Variants in TNFSF13B observed in about 807,000 individuals in gnomAD.
TNFSF13B encodes the protein TNF superfamily member 13b, also known as tumor necrosis factor ligand superfamily member 13B.
TNFSF13B carries 8 observed loss-of-function variants against 29.1 expected under a neutral mutation model. That is an observed-to-expected ratio of 0.27 (90% CI 0.16 to 0.50). The LOEUF (loss-of-function observed/expected upper bound fraction) is 0.50, where lower values mean the gene tolerates loss of function less well. Ranked by LOEUF, TNFSF13B falls within the 20% of genes least tolerant of loss-of-function variation. The probability of loss-of-function intolerance (pLI) is 0.98; values close to 1 mark genes in which losing one functional copy is unlikely to be tolerated. For missense variants in TNFSF13B, 248 were observed against 334.9 expected, an observed-to-expected ratio of 0.74 and a Z score of 2.03; for synonymous variants, 125 against 130.8, an observed-to-expected ratio of 0.96 and a Z score of 0.30.
chr13:108,304,259 G>T lies in TNFSF13B; in HGVS notation c.745+655G>T, dbSNP rs1881709082. Among the ~76,000 whole-genome samples the T allele has an allele frequency of 2.6e-5, 4 of 151,782 alleles. No homozygotes were observed. In the South Asian group the frequency reaches 6.3e-4, roughly 24 times the overall value. On this transcript the variant is annotated intron_variant, in intron 5 of 5. Coordinates refer to ENST00000375887, the MANE Select transcript of TNFSF13B (RefSeq NM_006573.5). Reference sequence around the variant, plus strand: ...TCTTTCTAAATACAGGTGACATCTTGTGTCAGTGGACACCAGACAGGAGAA... The same window carrying T: ...TCTTTCTAAATACAGGTGACATCTTTTGTCAGTGGACACCAGACAGGAGAA...
At chr13:108,271,480 A>T (rs770462966) in intron 2 of TNFSF13B, among the ~76,000 whole-genome samples, 2 of 148,716 alleles carry the variant, frequency 1.3e-5, no homozygotes, top group Non-Finnish European at 3.0e-5. Flanking sequence ...ACACACACAC[A>T]CACACACACG....
intron 2 of TNFSF13B, among the ~76,000 whole-genome samples, chr13:108,284,181 T>C (rs1881045888): frequency 6.6e-6 from 1 of 151,978 alleles, no homozygotes; most frequent in South Asian, 2.1e-4. Flanking sequence ...TACAAAGAAT[T>C]AGCCAGGCAT....
intron 2 of TNFSF13B, among the ~76,000 whole-genome samples, chr13:108,277,569 A>C (rs2139044319): frequency 6.6e-6 from 1 of 152,302 alleles, no homozygotes; most frequent in South Asian, 2.1e-4. Flanking sequence ...GCGAATCCAC[A>C]GGGTAAAGTG....
chr13:108,299,585 G>T (rs556040802), intron 3 of TNFSF13B, among the ~76,000 whole-genome samples: 8 of 151,646 alleles, frequency 5.3e-5, no homozygotes, highest in African/African-American at 1.9e-4. Flanking sequence ...TGATTTTATC[G>T]CTAATCCTCA....
At position 108,304,468 on chromosome 13, in the gene TNFSF13B, G is replaced by A. The variant is rs1190054399; in HGVS notation, c.745+864G>A. Among the ~76,000 whole-genome samples the A allele has an allele frequency of 3.9e-5, 6 of 152,168 alleles. No individual in the cohort carries two copies. The South Asian group carries it at 6.2e-4, about 16-fold the overall frequency. ...AGGAGCAGTGAGAGGCAGAGAGCAC[G>A]GCAGATCTTGTAAACTTTAGGTCTG... On this transcript the variant is annotated intron_variant, in intron 5 of 5. Transcript: ENST00000375887.
intron 2 of TNFSF13B, among the ~76,000 whole-genome samples, chr13:108,275,664 G>GCCGAGGTACCACGCCCGGCCTCAAAT (rs1880742677): frequency 6.6e-6 from 1 of 151,904 alleles, no homozygotes. Flanking sequence ...AGTGAGCTTG[G>GCCGAGGTACCACGCCCGGCCTCAAAT]GATTGTTTAA....
At chr13:108,303,141 T>C (rs1028804109) in intron 3 of TNFSF13B, 112 bp from the exon 4 acceptor site, 35 of 755,502 alleles carry the variant, frequency 4.6e-5, no homozygotes, top group Non-Finnish European at 6.4e-5. Context: ...TTCTTTCTTT[T>C]TTTTTTAGGA....
rs1224145 is a variant in TNFSF13B, at chr13:108,303,116, C to G, written c.482-137C>G. ...GTAATGTGACTTGTATTCCTTTTTC[C>G]TTTTTTTTCTTTCTTTCTTTCTTTT... On this transcript the variant is annotated intron_variant, in intron 3 of 5. Transcript: ENST00000375887. 542,411 of 703,750 alleles carry G rather than the reference C, an allele frequency of 0.77. 210,133 individuals carry two copies. The highest frequency in any genetic ancestry group is 0.89 in the East Asian group (31,455 of 35,296). 43.6% of individuals were successfully genotyped at this position (703,750 alleles called of 1,614,324 possible).
rs865896476 is a variant in TNFSF13B, at chr13:108,307,841, T to A, written c.*903T>A. 2.0e-5 allele frequency: 3 copies of A among 152,210 alleles called. 1 individual carries two copies. In the Middle Eastern group the frequency reaches 0.01, roughly 518 times the overall value. 9.4% of individuals were successfully genotyped at this position (152,210 alleles called of 1,614,324 possible). On this transcript the variant is annotated 3_prime_UTR_variant, in exon 6 of 6. Transcript: ENST00000375887. The stretch of plus-strand genomic sequence containing the variant: ...CTCTTCTGTTTCAAACTGCTGCTAT[T>A]GTAGTTTACATATCCCAACCTTTAA...
At chr13:108,302,250 T>A (rs1881646790) in intron 3 of TNFSF13B, among the ~76,000 whole-genome samples, 1 of 152,222 alleles carries the variant, frequency 6.6e-6, no homozygotes, top group African/African-American at 2.4e-5. Flanking sequence ...CCATTACCAA[T>A]TATATAGGGA....
At chr13:108,279,292 A>G (rs1463722671) in intron 2 of TNFSF13B, among the ~76,000 whole-genome samples, 1 of 152,248 alleles carries the variant, frequency 6.6e-6, no homozygotes, top group Non-Finnish European at 1.5e-5. Context: ...GGAGAGAAAC[A>G]GTTACAGAAA....
rs1881262035 is a variant in TNFSF13B at position 108,290,065 on chromosome 13, CACAA to C, written c.481+3212_481+3215del. On this transcript the variant is annotated intron_variant, in intron 3 of 5. Transcript: ENST00000375887. ...AGACTTCAGACTCCCTCTATGTTAA[CACAA>C]ACAAATGCAAATGTAGCTCTGCTTC... Among the ~76,000 whole-genome samples, 4 of 152,152 alleles carry C rather than the reference CACAA, an allele frequency of 2.6e-5. No individual in the cohort carries two copies. In the South Asian group the frequency reaches 8.3e-4, roughly 32 times the overall value.
intron 3 of TNFSF13B, among the ~76,000 whole-genome samples, chr13:108,298,699 G>A (rs1489516536): frequency 6.9e-6 from 1 of 145,384 alleles, no homozygotes; most frequent in Non-Finnish European, 1.5e-5. Flanking sequence ...TGAGTCACCT[G>A]GGCACGGTAG....
At chr13:108,300,828 C>A (rs1443437272) in intron 3 of TNFSF13B, among the ~76,000 whole-genome samples, 1 of 152,198 alleles carries the variant, frequency 6.6e-6, no homozygotes, top group African/African-American at 2.4e-5. Context: ...GCAAGAAGCA[C>A]AGGCCGACAA....
chr13:108,269,710 TGTACAGTAGGG>T (rs1173694006), exon 1 of TNFSF13B: 4 of 565,764 alleles, frequency 7.1e-6, no homozygotes, highest in Middle Eastern at 4.6e-4. Context: ...GCAAACCTAC[TGTACAGTAGGG>T]GTAGAGATGC....
chr13:108,308,102 G>C lies in TNFSF13B; in HGVS notation c.*1164G>C, dbSNP rs1045734149. On this transcript the variant is annotated 3_prime_UTR_variant, in exon 6 of 6. Transcript: ENST00000375887. ...GTCTTTTATGTCATCAGTTTTAACT[G>C]TTTACTTCATTTAACAGTTTACATC... 7 of 152,002 alleles carry C rather than the reference G, an allele frequency of 4.6e-5. No homozygotes were observed. The highest frequency in any genetic ancestry group is 3.9e-4 in the Admixed American group (6 of 15,224). 9.4% of individuals were successfully genotyped at this position (152,002 alleles called of 1,614,324 possible). A position where few individuals can be genotyped will look rare whatever the true frequency, so the allele number is the denominator to read the frequency against.
At chr13:108,282,567 A>G (rs1376795182) in intron 2 of TNFSF13B, among the ~76,000 whole-genome samples, 2 of 152,228 alleles carry the variant, frequency 1.3e-5, no homozygotes, top group Non-Finnish European at 2.9e-5. Flanking sequence ...ATTGTGTTAA[A>G]TATTGATCAA....
At chr13:108,300,577 A>G (rs115803132) in intron 3 of TNFSF13B, among the ~76,000 whole-genome samples, 8 of 152,346 alleles carry the variant, frequency 5.3e-5, no homozygotes, top group African/African-American at 1.9e-4. Context: ...TGTCATTTAA[A>G]CAAAATTAAA....
In TNFSF13B at chr13:108,302,772, G is replaced by A. The variant is rs747586417; in HGVS notation, c.482-481G>A. The A allele has an allele frequency of 3.4e-5, 33 of 979,250 alleles. No homozygotes were observed. The South Asian group carries it at 5.2e-4, about 15-fold the overall frequency. The allele number at this position is 979,250 out of a possible 1,614,324, so 60.7% of individuals were successfully genotyped here. On this transcript the variant is annotated intron_variant, in intron 3 of 5. Coordinates refer to ENST00000375887, the MANE Select transcript of TNFSF13B (RefSeq NM_006573.5). ...TCTTAGTCACTTTCTTCTTTCTTCC[G>A]TAGGCTCCCTTCTGTTGCCACATTT... is the stretch of plus-strand genomic sequence containing the variant.
Sources: gnomAD v4.1 joint callset for allele counts (sites outside exome capture counted in the v4.1 genomes callset) on GRCh38, gnomAD v4.1.1 for gene constraint, MANE v1.5 for transcripts, NCBI Gene and HGNC (gene_info 2026-07-23, HGNC 2026-07-21) for gene names.